The following HMGCS2 variants were observed in gnomAD, a reference collection of about 807,000 sequenced individuals.
HMGCS2 encodes the protein hydroxymethylglutaryl-CoA synthase, mitochondrial.
A neutral mutation model predicts 57.4 loss-of-function variants in HMGCS2; 50 were observed. The ratio of observed to expected loss-of-function variants is 0.87; its 90% CI spans 0.69 to 1.10. The LOEUF (loss-of-function observed/expected upper bound fraction) is 1.10, where lower values mean the gene tolerates loss of function less well. HMGCS2 is among the 50% of genes least tolerant of loss of function. HMGCS2 has a pLI of 0.00. For synonymous variants in HMGCS2, 254 were observed against 245.1 expected (o/e 1.04, Z -0.34); for missense variants, 627 against 636.5 (o/e 0.99, Z 0.16).
At chr1:119,764,708 A>G in intron 1 of HMGCS2, 82 bp from the exon 2 acceptor site, 1 of 1,031,590 alleles carries the variant, frequency 9.7e-7, no homozygotes, top group Non-Finnish European at 1.5e-6. Flanking sequence ...CAATCATTTA[A>G]TTAATTTTCT....
intron 9 of HMGCS2, among the ~76,000 whole-genome samples, chr1:119,750,046 C>T (rs974010364): frequency 1.3e-5 from 2 of 151,906 alleles, no homozygotes; most frequent in Non-Finnish European, 2.9e-5. Context: ...CCTCTTTCAC[C>T]TTGCTCTCTT....
At chr1:119,759,086 AG>A in intron 4 of HMGCS2, 31 bp downstream of exon 4, 1 of 1,611,728 alleles carries the variant, frequency 6.2e-7, no homozygotes, top group Non-Finnish European at 8.5e-7. Context: ...ATGTAAATAG[AG>A]CCCCCACTTT....
intron 9 of HMGCS2, among the ~76,000 whole-genome samples, chr1:119,749,461 C>T (rs937380648): frequency 8.7e-5 from 13 of 149,930 alleles, no homozygotes; most frequent in Non-Finnish European, 1.8e-4. Context: ...TTAACAGCCC[C>T]TCTTTGCTAC....
intron 8 of HMGCS2, 52 bp from the exon 9 acceptor site, chr1:119,750,960 GGAAGAGAAAATAGTAAT>G: frequency 8.8e-7 from 1 of 1,133,770 alleles, no homozygotes; most frequent in South Asian, 1.3e-5. Context: ...ATGAGTTTTT[GGAAGAGAAAATAGTAAT>G]GAAGATGTCT....
At position 119,749,726 on chromosome 1, in the gene HMGCS2, T is replaced by A. The variant is rs1393358403; in HGVS notation, c.*6-885A>T. Among the ~76,000 whole-genome samples, 5 of 152,252 alleles carry A rather than the reference T, an allele frequency of 3.3e-5. No homozygotes were observed. In the East Asian group the frequency reaches 9.7e-4, roughly 30 times the overall value. On this transcript the variant is annotated intron_variant, in intron 9 of 9. Transcript: ENST00000369406. ...CCTCTCAGGTGGCTGTATCTGTGCATCTCTGCCACCCACTGACTTCTTCCT... is the reference window on the plus strand; with the variant it reads ...CCTCTCAGGTGGCTGTATCTGTGCAACTCTGCCACCCACTGACTTCTTCCT...
At chr1:119,755,623 G>A in intron 5 of HMGCS2, 26 bp from the exon 6 acceptor site, 2 of 1,613,310 alleles carry the variant, frequency 1.2e-6, no homozygotes, top group Non-Finnish European at 1.7e-6. Flanking sequence ...AGGTAGCCAT[G>A]TGAGAGGCCA....
At chr1:119,760,454 C>T (rs1003127458) in intron 2 of HMGCS2, among the ~76,000 whole-genome samples, 2 of 152,180 alleles carry the variant, frequency 1.3e-5, no homozygotes, top group Non-Finnish European at 2.9e-5. Flanking sequence ...CAAGTGAAGA[C>T]ATTGCCTTCC....
chr1:119,750,085 T>G (rs1652599289), intron 9 of HMGCS2, among the ~76,000 whole-genome samples: 1 of 152,208 alleles, frequency 6.6e-6, no homozygotes, highest in East Asian at 1.9e-4. Flanking sequence ...ACGAATTTCC[T>G]GAACCTCATT....
chr1:119,760,616 G>A (rs1196912520), intron 2 of HMGCS2, among the ~76,000 whole-genome samples: 1 of 152,156 alleles, frequency 6.6e-6, no homozygotes, highest in Admixed American at 6.5e-5. Context: ...TAAATGATCC[G>A]TAGTCACTAA....
At chr1:119,750,462 G>A (rs944349848) in intron 9 of HMGCS2, among the ~76,000 whole-genome samples, 1 of 152,186 alleles carries the variant, frequency 6.6e-6, no homozygotes, top group African/African-American at 2.4e-5. Context: ...CAAGATTTCA[G>A]AACATGTTTC....
rs780406594 is a variant in HMGCS2 at position 119,764,246 on chromosome 1, G to T, written c.485C>A (p.Thr162Asn). Residue 162 changes from threonine to asparagine, a missense_variant, in exon 2 of 10, where the codon ACC (threonine) becomes AAC (asparagine). Coordinates refer to ENST00000369406, the MANE Select transcript of HMGCS2 (RefSeq NM_005518.4). ...SGNTDIEGID[T>N]TNACYGGTAS... The stretch of plus-strand genomic sequence containing the variant: ...AGTACCACCGTAGCAGGCATTGGTG[G>T]TATCTATGCCCTCAATATCAGTATT... The T allele has an allele frequency of 1.2e-6, 2 of 1,614,106 alleles. No individual in the cohort carries two copies. The highest frequency in any genetic ancestry group is 1.7e-4 in the Middle Eastern group (1 of 6,032).
chr1:119,761,187 T>C (rs1265148988), intron 2 of HMGCS2, among the ~76,000 whole-genome samples: 2 of 147,676 alleles, frequency 1.4e-5, no homozygotes, highest in Non-Finnish European at 3.0e-5. Flanking sequence ...ATATTTAATA[T>C]ATATAAATAT....
At chr1:119,768,690 G>A (rs1475400311) in intron 1 of HMGCS2, 51 bp downstream of exon 1, 1 of 1,372,782 alleles carries the variant, frequency 7.3e-7, no homozygotes, top group Middle Eastern at 1.8e-4. Context: ...CCAATAGCAG[G>A]GAAAAACTAT....
At position 119,764,579 on chromosome 1, in the gene HMGCS2, G is replaced by A; in HGVS notation, c.152C>T (p.Pro51Leu). ...AVPLAKTDTW[P>L]KDVGILALEV... ...CAGGGCCAGGATGCCCACGTCCTTT[G>A]GCCAAGTATCTGTTTTGGCCAGGGG... The change falls in exon 2 of 10, where the codon CCA becomes CTA. Residue 51 changes from proline to leucine, a missense_variant. By Grantham distance (98) the Pro-to-Leu change is moderately conservative (BLOSUM62 -3). Transcript: ENST00000369406. 1 of 1,614,188 alleles carries A rather than the reference G, an allele frequency of 6.2e-7. No homozygotes were observed. Among genetic ancestry groups the A allele is most frequent in the Non-Finnish European group, 8.5e-7 (1 of 1,180,036 alleles).
intron 6 of HMGCS2, among the ~76,000 whole-genome samples, chr1:119,754,249 G>A (rs1192853285): frequency 6.6e-6 from 1 of 151,996 alleles, no homozygotes; most frequent in African/African-American, 2.4e-5. Context: ...TAGAGAAGGG[G>A]TTTTGCCATG....
chr1:119,753,507 T>C, intron 6 of HMGCS2, 121 bp from the exon 7 acceptor site: 1 of 683,768 alleles, frequency 1.5e-6, no homozygotes. Context: ...ATCATCCCGA[T>C]CTTCTCCCTG....
At chr1:119,756,655 T>A (rs923897020) in intron 5 of HMGCS2, among the ~76,000 whole-genome samples, 1 of 152,222 alleles carries the variant, frequency 6.6e-6, no homozygotes, top group Non-Finnish European at 1.5e-5. Context: ...GTGTAGTGAA[T>A]CAATAAACAG....
At chr1:119,752,471 C>G (rs12068042) in intron 8 of HMGCS2, 78 bp downstream of exon 8, 1 of 1,518,032 alleles carries the variant, frequency 6.6e-7, no homozygotes, top group Admixed American at 1.7e-5. Flanking sequence ...CTACTAAATT[C>G]TAGATTTCCA....
intron 8 of HMGCS2, among the ~76,000 whole-genome samples, chr1:119,751,482 C>T (rs1008208243): frequency 6.6e-6 from 1 of 151,570 alleles, no homozygotes; most frequent in Non-Finnish European, 1.5e-5. Flanking sequence ...TTCTCCTCAG[C>T]CTCCTGAGTA....
Sources: gnomAD v4.1 joint callset for allele counts (sites outside exome capture counted in the v4.1 genomes callset) on GRCh38, gnomAD v4.1.1 for gene constraint, MANE v1.5 for transcripts, NCBI Gene and HGNC (gene_info 2026-07-23, HGNC 2026-07-21) for gene names.